Variants in CACNA1C observed in about 807,000 individuals in gnomAD.
The protein encoded by CACNA1C is voltage-dependent L-type calcium channel subunit alpha-1C.
A neutral mutation model predicts 229.0 loss-of-function variants in CACNA1C; 30 were observed. The observed-to-expected ratio is 0.13, with a 90% CI of 0.10 to 0.18. The LOEUF (loss-of-function observed/expected upper bound fraction) is 0.18, where lower values mean the gene tolerates loss of function less well. Among genes scored for constraint, CACNA1C ranks in the 10% least tolerant of loss-of-function variants. The pLI, the probability that CACNA1C is intolerant of heterozygous loss-of-function variation, is 1.00. For synonymous variants in CACNA1C, 1,114 were observed against 1,132.5 expected (o/e 0.98, Z 0.33); for missense variants, 1,658 against 2,845.0 (o/e 0.58, Z 9.49).
chr12:2,654,164 C>T lies in CACNA1C; in HGVS notation c.4140+264C>T, dbSNP rs1417877930. The stretch of plus-strand genomic sequence containing the variant: ...CCCTCCCCGAGGCCTGGGTTCTGCT[C>T]TTGGTAGAGGAAAGACACTCTCCAG... On this transcript the variant is annotated intron_variant, in intron 33 of 46. Transcript: ENST00000399655. This position sits in a 1 kb window ranked among gnomAD's most constrained non-coding sequence, Gnocchi z 4.4. Among the ~76,000 whole-genome samples the T allele has an allele frequency of 6.6e-6, 1 of 152,158 alleles. No homozygotes were observed. The highest frequency in any genetic ancestry group is 1.5e-5 in the Non-Finnish European group (1 of 68,038).
intron 5 of CACNA1C, among the ~76,000 whole-genome samples, chr12:2,459,276 A>G (rs936598570): frequency 6.7e-6 from 1 of 150,274 alleles, no homozygotes; most frequent in African/African-American, 2.5e-5. Flanking sequence ...TGGCCTCCCA[A>G]AGTGCTGAGA....
In CACNA1C at chr12:2,346,882, A is replaced by T. The variant is rs2097049984; in HGVS notation, c.478-102094A>T. On this transcript the variant is annotated intron_variant, in intron 3 of 46. Transcript: ENST00000399655. The surrounding 1 kb of genome is among the most constrained non-coding windows in gnomAD (Gnocchi z 4.4). ...ACCTCCAAGGCTTGTTAGGGGTGCC[A>T]TGATTTGAACCATCTCACCTCTGCA... Among the ~76,000 whole-genome samples the T allele has an allele frequency of 6.6e-6, 1 of 152,202 alleles. No homozygotes were observed. Among genetic ancestry groups the T allele is most frequent in the Non-Finnish European group, 1.5e-5 (1 of 68,030 alleles).
intron 1 of CACNA1C, among the ~76,000 whole-genome samples, chr12:2,061,813 C>G (rs116441540): frequency 5.9e-5 from 9 of 152,202 alleles, no homozygotes; most frequent in African/African-American, 9.7e-5. Context: ...ACCCAACTTC[C>G]CAGTACAGGA....
At chr12:2,425,102 C>T (rs1470126061) in intron 3 of CACNA1C, among the ~76,000 whole-genome samples, 4 of 152,244 alleles carry the variant, frequency 2.6e-5, no homozygotes, top group African/African-American at 9.6e-5. Flanking sequence ...GAGGGATAGG[C>T]CCGGAATCAT....
intron 7 of CACNA1C, among the ~76,000 whole-genome samples, chr12:2,495,796 TTGTA>T (rs752779501): frequency 9.9e-5 from 15 of 152,204 alleles, no homozygotes; most frequent in South Asian, 2.1e-4. Context: ...GTGTGTGCAT[TTGTA>T]TGTGTGTGCA....
intron 3 of CACNA1C, among the ~76,000 whole-genome samples, chr12:2,441,030 T>C (rs1054731073): frequency 2.0e-5 from 3 of 152,232 alleles, no homozygotes; most frequent in South Asian, 2.1e-4. Flanking sequence ...CTGATGAGTA[T>C]TCAAGTTCTG....
intron 3 of CACNA1C, among the ~76,000 whole-genome samples, chr12:2,340,935 C>T (rs11834718): frequency 0.034 from 5,056 of 150,290 alleles, 201 homozygotes; most frequent in African/African-American, 0.091. Flanking sequence ...CCAGCCTGGG[C>T]GACAGAGTGA....
chr12:2,304,622 T>C (rs1167537660), intron 3 of CACNA1C, among the ~76,000 whole-genome samples: 1 of 151,738 alleles, frequency 6.6e-6, no homozygotes, highest in Non-Finnish European at 1.5e-5. Context: ...CTCCTCTCTG[T>C]AAAGGCACAG....
At chr12:2,310,350 AAAAT>A (rs1413103828) in intron 3 of CACNA1C, among the ~76,000 whole-genome samples, 1 of 127,310 alleles carries the variant, frequency 7.9e-6, no homozygotes. Flanking sequence ...GTTAAAAAAA[AAAAT>A]ATATATATAT....
intron 29 of CACNA1C, among the ~76,000 whole-genome samples, chr12:2,631,844 C>G (rs2090544485): frequency 6.6e-6 from 1 of 152,168 alleles, no homozygotes; most frequent in Non-Finnish European, 1.5e-5. Flanking sequence ...TTCCCTGTGA[C>G]CTGACCTCCC....
chr12:2,275,071 G>A lies in CACNA1C; in HGVS notation c.477+154641G>A, dbSNP rs1381130782. On this transcript the variant is annotated intron_variant, in intron 3 of 46. Transcript: ENST00000399655. The surrounding 1 kb of genome is among the most constrained non-coding windows in gnomAD (Gnocchi z 4.1). ...GGGAGAGATGCAGGTGAAACAAGGC[G>A]GAAAGGACCGTAATTACCTCCTAAC... Among the ~76,000 whole-genome samples, 4 of 152,320 alleles carry A rather than the reference G, an allele frequency of 2.6e-5. No individual in the cohort carries two copies. The highest frequency in any genetic ancestry group is 2.1e-4 in the South Asian group (1 of 4,832).
rs1409343079 is a variant in CACNA1C at position 2,595,504 on chromosome 12, T to G, written c.2664-370T>G. On this transcript the variant is annotated intron_variant, in intron 19 of 46. Coordinates refer to ENST00000399655, the MANE Select transcript of CACNA1C (RefSeq NM_000719.7). The surrounding 1 kb of genome is among the most constrained non-coding windows in gnomAD (Gnocchi z 4.1). ...GCCTCTCAGCATACCCAGCTCCGGG[T>G]AGTCCTATTGTGCCTTATGCATAAG... is the stretch of plus-strand genomic sequence containing the variant. 6.6e-6 allele frequency among the ~76,000 whole-genome samples: 1 copy of G among 152,104 alleles called. No individual in the cohort carries two copies. Among genetic ancestry groups the G allele is most frequent in the African/African-American group, 2.4e-5 (1 of 41,418 alleles).
chr12:2,256,694 A>G (rs952049385), intron 3 of CACNA1C, among the ~76,000 whole-genome samples: 1 of 152,132 alleles, frequency 6.6e-6, no homozygotes, highest in South Asian at 2.1e-4. Flanking sequence ...CATTGCAGCC[A>G]CATCCTTTCT....
chr12:2,308,655 T>C (rs1359403453), intron 3 of CACNA1C, among the ~76,000 whole-genome samples: 5 of 152,250 alleles, frequency 3.3e-5, no homozygotes, highest in Admixed American at 3.3e-4. Flanking sequence ...AAGAGTGCTT[T>C]GGCTATTCAG....
At chr12:2,635,710 G>A (rs1257222541) in intron 30 of CACNA1C, among the ~76,000 whole-genome samples, 1 of 152,134 alleles carries the variant, frequency 6.6e-6, no homozygotes, top group Non-Finnish European at 1.5e-5. Context: ...CTGTAGTCTG[G>A]TGCCCCAACC....
chr12:2,626,146 C>T (rs1406825384), intron 29 of CACNA1C, among the ~76,000 whole-genome samples: 3 of 152,204 alleles, frequency 2.0e-5, no homozygotes, highest in Non-Finnish European at 4.4e-5. Context: ...AGGTTGCCGG[C>T]CAGATGCCCT....
intron 3 of CACNA1C, among the ~76,000 whole-genome samples, chr12:2,256,992 T>G (rs1350080909): frequency 1.3e-5 from 2 of 152,148 alleles, no homozygotes; most frequent in Non-Finnish European, 2.9e-5. Context: ...AAAATCGTGG[T>G]GACTCAACAC....
chr12:2,523,155 G>A (rs371739124), intron 9 of CACNA1C, among the ~76,000 whole-genome samples: 14 of 151,680 alleles, frequency 9.2e-5, no homozygotes, highest in Admixed American at 3.3e-4. Context: ...GGGCGGGGGC[G>A]GTGGTGCTGG....
At position 2,379,753 on chromosome 12, in the gene CACNA1C, C is replaced by T. The variant is rs375783478; in HGVS notation, c.478-69223C>T. Among the ~76,000 whole-genome samples the T allele has an allele frequency of 2.9e-3, 438 of 152,182 alleles. 2 individuals carry two copies. The highest frequency in any genetic ancestry group is 9.9e-3 in the African/African-American group (409 of 41,522). ...ATAATAATATAAATAAAGACATGGCCGGGCGCGGTGGCTCACGCCTGTAAT... is the reference window on the plus strand; with the variant it reads ...ATAATAATATAAATAAAGACATGGCTGGGCGCGGTGGCTCACGCCTGTAAT... On this transcript the variant is annotated intron_variant, in intron 3 of 46. Transcript: ENST00000399655.
Sources: allele counts gnomAD v4.1 joint callset (sites outside exome capture counted in the v4.1 genomes callset), GRCh38; gene constraint gnomAD v4.1.1; non-coding constraint Gnocchi (gnomAD v3.1); transcripts MANE v1.5; gene names NCBI Gene and HGNC (gene_info 2026-07-23, HGNC 2026-07-21).